MARCHF1: variants seen among roughly 807,000 people sequenced by gnomAD.
MARCHF1 encodes membrane associated ring-CH-type finger 1, also known as E3 ubiquitin-protein ligase MARCHF1.
A neutral mutation model predicts 54.2 loss-of-function variants in MARCHF1; 40 were observed. The observed-to-expected ratio is 0.74, with a 90% CI of 0.57 to 0.96. The LOEUF is 0.96. MARCHF1 is among the 40% of genes least tolerant of loss of function. The pLI is 0.00. For missense variants in MARCHF1, 586 were observed against 656.5 expected (o/e 0.89, Z 1.17); for synonymous variants, 236 against 236.3 (o/e 1.00, Z 0.01).
intron 3 of MARCHF1, among the ~76,000 whole-genome samples, chr4:163,872,404 T>C (rs1310580032): frequency 2.0e-5 from 3 of 152,344 alleles, no homozygotes; most frequent in African/African-American, 7.2e-5. Flanking sequence ...AGTAGATTCT[T>C]TGGAGAGTTG....
chr4:163,894,248 T>C (rs1384778609), intron 3 of MARCHF1, among the ~76,000 whole-genome samples: 2 of 152,122 alleles, frequency 1.3e-5, no homozygotes, highest in Non-Finnish European at 2.9e-5. Context: ...TTTTCCTCTA[T>C]GTTATTACAG....
intron 3 of MARCHF1, among the ~76,000 whole-genome samples, chr4:163,880,221 T>A (rs1426902351): frequency 6.6e-6 from 1 of 151,602 alleles, no homozygotes; most frequent in Non-Finnish European, 1.5e-5. Flanking sequence ...TGCTGATCAA[T>A]ACATTAGCAA....
intron 1 of MARCHF1, among the ~76,000 whole-genome samples, chr4:164,371,525 C>T (rs1436864681): frequency 6.6e-6 from 1 of 151,878 alleles, no homozygotes. Flanking sequence ...TTAGAGTATA[C>T]AAAAATTCTT....
intron 1 of MARCHF1, among the ~76,000 whole-genome samples, chr4:164,271,686 C>G (rs1167451032): frequency 6.6e-6 from 1 of 152,066 alleles, no homozygotes; most frequent in Admixed American, 6.6e-5. Flanking sequence ...CAATAGAAAT[C>G]AGTTCGAGGT....
At chr4:163,925,322 T>A (rs541413568) in intron 3 of MARCHF1, among the ~76,000 whole-genome samples, 27 of 151,940 alleles carry the variant, frequency 1.8e-4, no homozygotes, top group African/African-American at 6.5e-4. Context: ...AGTCACAAGT[T>A]TACCTCACTT....
At chr4:164,191,451 T>A (rs187524193) in intron 1 of MARCHF1, among the ~76,000 whole-genome samples, 163 of 152,358 alleles carry the variant, frequency 1.1e-3, no homozygotes, top group African/African-American at 3.8e-3. Flanking sequence ...ACTCATTTTG[T>A]TTTCTCTCTG....
intron 3 of MARCHF1, among the ~76,000 whole-genome samples, chr4:163,874,242 G>C (rs945194689): frequency 6.6e-6 from 1 of 152,188 alleles, no homozygotes; most frequent in Non-Finnish European, 1.5e-5. Context: ...TGGATTATTA[G>C]AGATGTTTGG....
intron 2 of MARCHF1, among the ~76,000 whole-genome samples, chr4:164,079,394 C>A (rs905887194): frequency 4.6e-5 from 7 of 152,068 alleles, no homozygotes; most frequent in African/African-American, 1.7e-4. Flanking sequence ...GTTTCTTTAA[C>A]AAAAAGTAAC....
At chr4:164,195,934 G>A (rs1560948526) in intron 1 of MARCHF1, among the ~76,000 whole-genome samples, 1 of 151,922 alleles carries the variant, frequency 6.6e-6, no homozygotes, top group Non-Finnish European at 1.5e-5. Context: ...AATTTATTGA[G>A]GTCTCCAATT....
At chr4:164,115,221 C>T (rs1234512176) in intron 1 of MARCHF1, among the ~76,000 whole-genome samples, 2 of 151,900 alleles carry the variant, frequency 1.3e-5, no homozygotes, top group African/African-American at 4.8e-5. Context: ...TAAACCATTA[C>T]TTAAGAATGA....
Position 163,545,701 on chromosome 4 carries a change from A to G in MARCHF1, c.1234T>C (p.Phe412Leu). The G allele has an allele frequency of 6.2e-7, 1 of 1,614,118 alleles. No homozygotes were observed. The highest frequency in any genetic ancestry group is 2.2e-5 in the East Asian group (1 of 44,868). The change falls in exon 9 of 10, where the codon TTC becomes CTC. Residue 412 changes from phenylalanine (F) to leucine (L), a missense_variant. By Grantham distance (22) the Phe-to-Leu change is conservative. Around this residue, in one of 3 missense-constraint regions of MARCHF1, gnomAD observed 93 missense variants for 168.2 expected, o/e 0.55. Coordinates refer to ENST00000514618, the MANE Select transcript of MARCHF1 (RefSeq NM_001394959.1). ...QMTTSERRKIFCSVTFHVIAI... is the reference protein window; with the variant it reads ...QMTTSERRKILCSVTFHVIAI... Reference sequence around the variant, plus strand: ...ATTACGTGGAATGTGACAGAGCAGAATATTTTCCTCCTTTCACTTGTGGTC... The same window carrying G: ...ATTACGTGGAATGTGACAGAGCAGAGTATTTTCCTCCTTTCACTTGTGGTC...
chr4:164,298,910 C>G (rs929300040), intron 1 of MARCHF1, among the ~76,000 whole-genome samples: 1 of 151,930 alleles, frequency 6.6e-6, no homozygotes, highest in African/African-American at 2.4e-5. Flanking sequence ...CATGTGTACT[C>G]TATAGGGTAG....
intron 5 of MARCHF1, among the ~76,000 whole-genome samples, chr4:163,615,009 C>A (rs1208811366): frequency 2.6e-5 from 4 of 151,946 alleles, no homozygotes; most frequent in African/African-American, 9.7e-5. Flanking sequence ...GGAATTCAGC[C>A]CTATTAACAT....
At chr4:163,853,710 A>C (rs1276601083) in intron 4 of MARCHF1, among the ~76,000 whole-genome samples, 2 of 152,190 alleles carry the variant, frequency 1.3e-5, no homozygotes, top group Admixed American at 1.3e-4. Flanking sequence ...TTCATTACGC[A>C]GTATAGAATC....
At chr4:163,671,525 T>G (rs1308605641) in intron 5 of MARCHF1, among the ~76,000 whole-genome samples, 1 of 152,212 alleles carries the variant, frequency 6.6e-6, no homozygotes, top group Admixed American at 6.5e-5. Context: ...ATTACTCTGA[T>G]AGTTTTTTGT....
intron 1 of MARCHF1, among the ~76,000 whole-genome samples, chr4:164,261,316 T>C (rs1464142157): frequency 2.0e-5 from 3 of 152,184 alleles, no homozygotes; most frequent in Non-Finnish European, 2.9e-5. Flanking sequence ...CTAAGGTAGA[T>C]ATGATCATTG....
At chr4:163,696,109 A>G (rs1398355952) in intron 5 of MARCHF1, among the ~76,000 whole-genome samples, 1 of 152,164 alleles carries the variant, frequency 6.6e-6, no homozygotes, top group Non-Finnish European at 1.5e-5. Context: ...GAAAGAGAGA[A>G]TCATAGGTGT....
At chr4:164,188,520 G>T in intron 1 of MARCHF1, 1 of 704,344 alleles carries the variant, frequency 1.4e-6, no homozygotes, top group Admixed American at 1.9e-5. Context: ...TTCAAGACCG[G>T]CTGCGTGGAG....
chr4:164,254,719 A>G (rs1480395610), intron 1 of MARCHF1, among the ~76,000 whole-genome samples: 1 of 152,166 alleles, frequency 6.6e-6, no homozygotes, highest in Non-Finnish European at 1.5e-5. Context: ...AGCATCCAGC[A>G]TGGCAGAAAG....
Sources: allele counts gnomAD v4.1 joint callset (sites outside exome capture counted in the v4.1 genomes callset), GRCh38; gene constraint gnomAD v4.1.1; regional missense constraint gnomAD v4.1.1; transcripts MANE v1.5; gene names NCBI Gene and HGNC (gene_info 2026-07-23, HGNC 2026-07-21).